ZNF518A: variants seen among roughly 807,000 people sequenced by gnomAD.
ZNF518A encodes the protein zinc finger protein 518A.
Under a neutral mutation model 102.7 loss-of-function variants are expected in ZNF518A, and 47 were observed. The ratio of observed to expected loss-of-function variants is 0.46; its 90% CI spans 0.36 to 0.58. The LOEUF (loss-of-function observed/expected upper bound fraction) is 0.58, where lower values mean the gene tolerates loss of function less well. Among genes scored for constraint, ZNF518A ranks in the 20% least tolerant of loss-of-function variants. ZNF518A has a pLI of 0.00. For missense variants in ZNF518A, 1,793 were observed against 1,699.8 expected, an observed-to-expected ratio of 1.05 and a Z score of -0.96; for synonymous variants, 652 against 594.6, an observed-to-expected ratio of 1.10 and a Z score of -1.40.
intron 3 of ZNF518A, among the ~76,000 whole-genome samples, chr10:96,149,925 G>A (rs1175306217): frequency 3.3e-5 from 5 of 152,030 alleles, no homozygotes; most frequent in Non-Finnish European, 7.4e-5. Flanking sequence ...TCACATATGG[G>A]AGCTTTTCTG....
At chr10:96,132,561 T>G (rs2081394316) in intron 1 of ZNF518A, 25 bp from the exon 2 acceptor site, 1 of 151,866 alleles carries the variant, frequency 6.6e-6, no homozygotes, top group South Asian at 2.1e-4. Context: ...GTCAAAAGTT[T>G]TAAAATCTTG....
At chr10:96,203,474 G>A (rs1421717046) in intron 1 of ZNF518A, 2 of 152,110 alleles carry the variant, frequency 1.3e-5, no homozygotes, top group East Asian at 3.8e-4. Context: ...GTAAAGCAGA[G>A]TTTTTTTCTT....
At chr10:96,135,405 C>T (rs1298393675) in intron 3 of ZNF518A, 4 of 152,210 alleles carry the variant, frequency 2.6e-5, no homozygotes, top group African/African-American at 7.2e-5. Flanking sequence ...AGAAAGTGTT[C>T]TGATGAATAT....
downstream of ZNF518A, among the ~76,000 whole-genome samples, chr10:96,166,665 T>G (rs587747386): frequency 6.6e-6 from 1 of 151,670 alleles, no homozygotes; most frequent in Admixed American, 6.6e-5. Flanking sequence ...TACTCGAGAG[T>G]CTGAGGCAAG....
chr10:96,163,032 C>T lies in ZNF518A; in HGVS notation c.*2258C>T, dbSNP rs1377183514. The T allele has an allele frequency of 6.0e-6, 1 of 166,984 alleles. No individual in the cohort carries two copies. The highest frequency in any genetic ancestry group is 2.1e-4 in the South Asian group (1 of 4,824). The allele number at this position is 166,984 out of a possible 1,614,324, so 10.3% of individuals were successfully genotyped here. On this transcript the variant is annotated 3_prime_UTR_variant, in exon 6 of 6. Coordinates refer to ENST00000316045, the MANE Select transcript of ZNF518A (RefSeq NM_001330736.2). ...TGTTACATATAGATCTGTTATGAGA[C>T]ATCACCTGCTGTAAATAGCAAGGAG...
intron 1 of ZNF518A, among the ~76,000 whole-genome samples, chr10:96,131,369 AT>A (rs782083554): frequency 6.6e-6 from 1 of 152,218 alleles, no homozygotes; most frequent in African/African-American, 2.4e-5. Flanking sequence ...ATTTCCTAAC[AT>A]TTTTTGAGTT....
chr10:96,156,053 C>T lies in ZNF518A; in HGVS notation c.-127+6C>T. On this transcript the variant is annotated splice_donor_region_variant and intron_variant, in intron 5 of 5. Coordinates refer to ENST00000316045, the MANE Select transcript of ZNF518A (RefSeq NM_001330736.2). ...CTTCAAACTATTACTTCTTGGTAAG[C>T]TGTTCTTAAAATACTTAAAAAGTCT... 5.1e-6 allele frequency: 1 copy of T among 196,870 alleles called. No individual in the cohort carries two copies. Among genetic ancestry groups the T allele is most frequent in the Non-Finnish European group, 1.0e-5 (1 of 98,342 alleles). 12.2% of individuals were successfully genotyped at this position (196,870 alleles called of 1,614,324 possible).
At position 96,192,947 on chromosome 10, in the gene ZNF518A, G is replaced by A. The variant is rs372664252; in HGVS notation, n.36-10627G>A. On this transcript the variant is annotated intron_variant and non_coding_transcript_variant, in intron 1 of 2. Coordinates refer to the ZNF518A transcript ENST00000442635. ...TACTATCAATTGATTTTATTTTCTC[G>A]ATTTTTTAGATAAAGACAAACATCC... 3.3e-5 allele frequency among the ~76,000 whole-genome samples: 5 copies of A among 152,184 alleles called. No homozygotes were observed. In the South Asian group the frequency reaches 6.2e-4, roughly 19 times the overall value.
intron 3 of ZNF518A, among the ~76,000 whole-genome samples, chr10:96,139,430 A>G (rs918468891): frequency 1.3e-5 from 2 of 152,170 alleles, no homozygotes; most frequent in East Asian, 1.9e-4. Context: ...TAGTACCCTT[A>G]TAAAAGAGAC....
downstream of ZNF518A, chr10:96,204,244 C>T: frequency 1.2e-6 from 1 of 854,278 alleles, no homozygotes; most frequent in Non-Finnish European, 1.9e-6. Context: ...GCCACCAAAA[C>T]CTTAAAGATA....
intron 3 of ZNF518A, among the ~76,000 whole-genome samples, chr10:96,154,488 A>T (rs2082605301): frequency 6.9e-6 from 1 of 145,474 alleles, no homozygotes; most frequent in Non-Finnish European, 1.5e-5. Flanking sequence ...TTTTCTCTTA[A>T]CAAAGCAGTG....
intron 3 of ZNF518A, among the ~76,000 whole-genome samples, chr10:96,146,906 G>C (rs1591169362): frequency 6.6e-6 from 1 of 152,208 alleles, no homozygotes; most frequent in Non-Finnish European, 1.5e-5. Flanking sequence ...GCTCCCAGGA[G>C]AAGTTAAGGT....
chr10:96,189,659 T>C, intron 1 of ZNF518A: 1 of 717,470 alleles, frequency 1.4e-6, no homozygotes, highest in East Asian at 2.6e-5. Flanking sequence ...TATGTAGATT[T>C]CTTCAATGGT....
chr10:96,151,431 C>G (rs1225745255), intron 3 of ZNF518A: 4 of 152,200 alleles, frequency 2.6e-5, no homozygotes, highest in Admixed American at 2.6e-4. Context: ...GCTAGCAATC[C>G]CCTACTCTGT....
intron 2 of ZNF518A, chr10:96,203,791 A>C: frequency 3.3e-6 from 1 of 304,994 alleles, no homozygotes. Flanking sequence ...GTAAAAAAAA[A>C]AAAAGTTAAA....
intron 1 of ZNF518A, among the ~76,000 whole-genome samples, chr10:96,180,217 G>A (rs1443388191): frequency 7.9e-6 from 1 of 126,012 alleles, no homozygotes; most frequent in Non-Finnish European, 1.6e-5. Flanking sequence ...TAGAGATGAA[G>A]TGTTGCTATG....
intron 1 of ZNF518A, chr10:96,189,745 G>T (rs782121580): frequency 1.4e-6 from 1 of 734,690 alleles, no homozygotes; most frequent in East Asian, 2.5e-5. Flanking sequence ...TTCATCAGCA[G>T]CAAGTTTTAC....
intron 1 of ZNF518A, among the ~76,000 whole-genome samples, chr10:96,187,955 C>T (rs1283626551): frequency 2.0e-5 from 3 of 152,222 alleles, no homozygotes; most frequent in African/African-American, 7.2e-5. Context: ...AAGTGATTCT[C>T]ATGCCTCAGC....
rs1279724649 is a variant in ZNF518A at position 96,156,363 on chromosome 10, A to G, written c.41A>G (p.Gln14Arg). 4 of 1,589,288 alleles carry G rather than the reference A, an allele frequency of 2.5e-6. No homozygotes were observed. The highest frequency in any genetic ancestry group is 3.4e-6 in the Non-Finnish European group (4 of 1,172,916). The stretch of plus-strand genomic sequence containing the variant: ...AAACAGTTATTTTGTGATGAAAAAC[A>G]AACTACTTTAAAAAAAGATTATGAT... Reference protein sequence around the residue: ...EQKQLFCDEKQTTLKKDYDVK... With the variant: ...EQKQLFCDEKRTTLKKDYDVK... Residue 14 changes from glutamine to arginine, a missense_variant, in exon 6 of 6, where the codon CAA becomes CGA. Gln to Arg is a conservative substitution (Grantham distance 43, BLOSUM62 1). Around this residue, in one of 3 missense-constraint regions of ZNF518A, gnomAD observed 1,741 missense variants for 1,622.6 expected, o/e 1.07. Coordinates refer to ENST00000316045, the MANE Select transcript of ZNF518A (RefSeq NM_001330736.2).
Sources: allele counts gnomAD v4.1 joint callset (sites outside exome capture counted in the v4.1 genomes callset), GRCh38; gene constraint gnomAD v4.1.1; regional missense constraint gnomAD v4.1.1; transcripts MANE v1.5; gene names NCBI Gene and HGNC (gene_info 2026-07-23, HGNC 2026-07-21).